Variants in CSMD1 observed in about 807,000 individuals in gnomAD.
CSMD1 encodes CUB and sushi domain-containing protein 1.
A neutral mutation model predicts 417.5 loss-of-function variants in CSMD1; 213 were observed. The observed-to-expected ratio is 0.51, with a 90% CI of 0.46 to 0.57. The LOEUF is 0.57. Among genes scored for constraint, CSMD1 ranks in the 20% least tolerant of loss-of-function variants. CSMD1 has a pLI of 0.00. For synonymous variants in CSMD1, 2,862 were observed against 1,736.8 expected, an observed-to-expected ratio of 1.65 and a Z score of -16.11; for missense variants, 6,923 against 4,529.7, an observed-to-expected ratio of 1.53 and a Z score of -15.17.
chr8:4,354,052 G>C (rs558815492), intron 3 of CSMD1, among the ~76,000 whole-genome samples: 3 of 152,136 alleles, frequency 2.0e-5, no homozygotes, highest in Admixed American at 6.5e-5. Flanking sequence ...TGTCTATGCA[G>C]CTATATATCA....
chr8:4,720,110 C>G (rs1808954946), intron 1 of CSMD1, among the ~76,000 whole-genome samples: 1 of 151,528 alleles, frequency 6.6e-6, no homozygotes, highest in South Asian at 2.1e-4. Flanking sequence ...ACCTCTTAAT[C>G]TGTGGTTTGG....
chr8:4,082,243 C>G (rs1202167423), intron 3 of CSMD1, among the ~76,000 whole-genome samples: 6 of 152,196 alleles, frequency 3.9e-5, no homozygotes, highest in Admixed American at 3.3e-4. Context: ...GGACAAAGTC[C>G]TAGAAAATTA....
At chr8:4,846,578 C>T (rs539363699) in intron 1 of CSMD1, among the ~76,000 whole-genome samples, 3 of 152,296 alleles carry the variant, frequency 2.0e-5, no homozygotes, top group South Asian at 4.1e-4. Flanking sequence ...TGGTACTTTT[C>T]TACCCCCTGT....
chr8:4,543,548 T>C (rs11773915), intron 2 of CSMD1, among the ~76,000 whole-genome samples: 43,553 of 151,836 alleles, frequency 0.29, 6,938 homozygotes, highest in East Asian at 0.39. Context: ...GAAACACATA[T>C]TGGATGCTTC....
At chr8:4,194,721 A>G (rs756148799) in intron 3 of CSMD1, among the ~76,000 whole-genome samples, 46 of 152,132 alleles carry the variant, frequency 3.0e-4, no homozygotes, top group Non-Finnish European at 5.0e-4. Flanking sequence ...TCTTCAAATT[A>G]TGCTTAACAG....
intron 2 of CSMD1, among the ~76,000 whole-genome samples, chr8:4,585,208 G>A (rs990441324): frequency 1.3e-5 from 2 of 151,980 alleles, no homozygotes; most frequent in East Asian, 3.9e-4. Flanking sequence ...GAAATAAAGA[G>A]CACCATAAAG....
At chr8:3,657,069 T>G (rs1798147596) in intron 7 of CSMD1, among the ~76,000 whole-genome samples, 1 of 152,122 alleles carries the variant, frequency 6.6e-6, no homozygotes, top group East Asian at 1.9e-4. Context: ...ACTTTTCTTC[T>G]GGAGAGAGTC....
chr8:2,990,197 C>T (rs550353688), intron 54 of CSMD1, among the ~76,000 whole-genome samples: 1 of 152,306 alleles, frequency 6.6e-6, no homozygotes, highest in South Asian at 2.1e-4. Flanking sequence ...TTCCTTAAGT[C>T]CTTGCAGCTG....
intron 1 of CSMD1, among the ~76,000 whole-genome samples, chr8:4,797,543 G>A (rs1361802743): frequency 1.3e-5 from 2 of 152,110 alleles, no homozygotes; most frequent in Admixed American, 6.5e-5. Flanking sequence ...GCACCAACCT[G>A]ACCTAATAGC....
At chr8:4,943,841 C>A (rs1229107036) in intron 1 of CSMD1, among the ~76,000 whole-genome samples, 3 of 152,100 alleles carry the variant, frequency 2.0e-5, no homozygotes, top group African/African-American at 7.2e-5. Flanking sequence ...CAGAACAAAT[C>A]GAAGCCAAGA....
intron 10 of CSMD1, among the ~76,000 whole-genome samples, chr8:3,554,092 C>T (rs1016302053): frequency 1.3e-5 from 2 of 152,192 alleles, no homozygotes; most frequent in Non-Finnish European, 2.9e-5. Context: ...ATTATGCGTT[C>T]TTCATGACTG....
intron 3 of CSMD1, among the ~76,000 whole-genome samples, chr8:4,339,923 C>T (rs1307503950): frequency 6.6e-6 from 1 of 151,954 alleles, no homozygotes; most frequent in Non-Finnish European, 1.5e-5. Flanking sequence ...TCCTAAGGGG[C>T]CTGAGGCAAG....
intron 5 of CSMD1, among the ~76,000 whole-genome samples, chr8:3,983,324 G>A (rs1430507561): frequency 3.3e-5 from 5 of 151,924 alleles, no homozygotes; most frequent in Non-Finnish European, 7.4e-5. Context: ...TAGAGATGGG[G>A]TTTCACCGTG....
At chr8:4,512,910 T>G (rs1253263380) in intron 2 of CSMD1, among the ~76,000 whole-genome samples, 5 of 152,038 alleles carry the variant, frequency 3.3e-5, no homozygotes, top group Non-Finnish European at 7.4e-5. Context: ...TTGAAAAAGC[T>G]ACAGAGTATA....
chr8:4,290,756 G>C (rs187512050), intron 3 of CSMD1, among the ~76,000 whole-genome samples: 1 of 152,032 alleles, frequency 6.6e-6, no homozygotes, highest in Admixed American at 6.6e-5. Flanking sequence ...GTTTCATTTA[G>C]GATTTCTATT....
At chr8:3,742,705 G>A (rs1433039628) in intron 6 of CSMD1, among the ~76,000 whole-genome samples, 3 of 151,870 alleles carry the variant, frequency 2.0e-5, no homozygotes, top group African/African-American at 7.3e-5. Flanking sequence ...CACCTGAGAA[G>A]CTTGCATAGG....
At chr8:4,561,002 G>A (rs1050714142) in intron 2 of CSMD1, among the ~76,000 whole-genome samples, 1 of 152,190 alleles carries the variant, frequency 6.6e-6, no homozygotes, top group Non-Finnish European at 1.5e-5. Flanking sequence ...CTTACACAGT[G>A]CTTTGTGTGT....
chr8:4,812,741 A>C (rs1360808562), intron 1 of CSMD1, among the ~76,000 whole-genome samples: 1 of 152,186 alleles, frequency 6.6e-6, no homozygotes, highest in Non-Finnish European at 1.5e-5. Context: ...TTTCTTCACA[A>C]AGCATCTGGA....
chr8:3,808,167 A>T (rs1419815825), intron 5 of CSMD1, among the ~76,000 whole-genome samples: 1 of 152,220 alleles, frequency 6.6e-6, no homozygotes, highest in Non-Finnish European at 1.5e-5. Flanking sequence ...GAAATTAAAA[A>T]AATGTAACCT....
Sources: allele counts gnomAD v4.1 joint callset (sites outside exome capture counted in the v4.1 genomes callset), GRCh38; gene constraint gnomAD v4.1.1; transcripts MANE v1.5; gene names NCBI Gene and HGNC (gene_info 2026-07-23, HGNC 2026-07-21).